The following NSD2 variants were observed in gnomAD, a reference collection of about 807,000 sequenced individuals.
NSD2 encodes the protein histone-lysine N-methyltransferase NSD2.
A neutral mutation model predicts 139.0 loss-of-function variants in NSD2; 12 were observed. The observed-to-expected ratio is 0.09, with a 90% CI of 0.06 to 0.14. The LOEUF (loss-of-function observed/expected upper bound fraction) is 0.14, where lower values mean the gene tolerates loss of function less well. Among genes scored for constraint, NSD2 ranks in the 10% least tolerant of loss-of-function variants. The pLI is 1.00. For missense variants in NSD2, 1,155 were observed against 1,745.0 expected (o/e 0.66, Z 6.02); for synonymous variants, 669 against 648.7 (o/e 1.03, Z -0.48).
intron 9 of NSD2, chr4:1,941,965 C>T (rs1723146684): frequency 1.8e-6 from 2 of 1,087,958 alleles, no homozygotes; most frequent in South Asian, 4.0e-5. Flanking sequence ...GTTAGGTGAC[C>T]ATGAGAATTG....
chr4:1,872,637 C>CGAGAGAGA lies in NSD2; in HGVS notation c.-30+1096_-30+1097insAGAGAGAG, dbSNP rs1375337847. On this transcript the variant is annotated intron_variant, in intron 1 of 21. Coordinates refer to ENST00000508803, the MANE Select transcript of NSD2 (RefSeq NM_001042424.3). ...GAGAGAGAGAGAGAGAGAGAGAGAG[C>CGAGAGAGA]GCGCAGACCCTGTGAAGACAAGACT... Among the ~76,000 whole-genome samples, 28 of 81,848 alleles carry CGAGAGAGA rather than the reference C, an allele frequency of 3.4e-4. No individual in the cohort carries two copies. The South Asian group carries it at 5.3e-3, about 16-fold the overall frequency. The allele number at this position is 81,848 out of a possible 152,430, so 53.7% of individuals were successfully genotyped here. A position where few individuals can be genotyped will look rare whatever the true frequency, so the allele number is the denominator to read the frequency against.
chr4:1,891,797 C>T (rs1305223487), intron 1 of NSD2, among the ~76,000 whole-genome samples: 1 of 147,824 alleles, frequency 6.8e-6, no homozygotes, highest in African/African-American at 2.5e-5. Context: ...GCGGAGCTTG[C>T]AGTGAGCCGA....
intron 1 of NSD2, among the ~76,000 whole-genome samples, chr4:1,890,829 C>T (rs1343801295): frequency 6.6e-6 from 1 of 151,906 alleles, no homozygotes; most frequent in Non-Finnish European, 1.5e-5. Context: ...AACTCCTGAC[C>T]TCAGGTGATC....
chr4:1,919,603 A>G (rs1010938748), intron 5 of NSD2, among the ~76,000 whole-genome samples: 2 of 152,048 alleles, frequency 1.3e-5, no homozygotes, highest in Non-Finnish European at 2.9e-5. Flanking sequence ...TTTTCCATTC[A>G]GTAGTCTAAA....
intron 5 of NSD2, among the ~76,000 whole-genome samples, chr4:1,927,883 G>A (rs182080307): frequency 2.0e-5 from 3 of 151,714 alleles, no homozygotes; most frequent in Admixed American, 1.3e-4. Context: ...TGTTTTTTTG[G>A]TATGTTTTAA....
At chr4:1,952,804 C>T (rs1724415495) in intron 11 of NSD2, 1 of 1,168,752 alleles carries the variant, frequency 8.6e-7, no homozygotes, top group South Asian at 2.9e-5. Context: ...GACACCTGCA[C>T]AGCCGTGGCC....
At chr4:1,933,458 C>T (rs1307743173) in intron 6 of NSD2, among the ~76,000 whole-genome samples, 9 of 152,312 alleles carry the variant, frequency 5.9e-5, no homozygotes, top group South Asian at 2.1e-4. Flanking sequence ...GGCGCGATCT[C>T]GGCTCACTGC....
Position 1,944,643 on chromosome 4 carries a change from G to T in NSD2, c.1881+4865G>T, listed in dbSNP as rs1006925513. 13 of 1,062,982 alleles carry T rather than the reference G, an allele frequency of 1.2e-5. No individual in the cohort carries two copies. In the African/African-American group the frequency reaches 2.1e-4, roughly 17 times the overall value. The allele number at this position is 1,062,982 out of a possible 1,614,324, so 65.8% of individuals were successfully genotyped here. On this transcript the variant is annotated intron_variant, in intron 9 of 21. Transcript: ENST00000508803. ...GTTCTAAAAACGTAAGTACTCCATT[G>T]TAATAGGGTGGCATCTTCAGGTAGT...
chr4:1,901,361 G>A, intron 2 of NSD2, 110 bp downstream of exon 2: 1 of 999,136 alleles, frequency 1.0e-6, no homozygotes, highest in Non-Finnish European at 1.5e-6. Flanking sequence ...GTGAGGACAG[G>A]CCTGGTACTT....
At chr4:1,951,445 CACACACACACACACACACACA>C (rs1560745573) in intron 10 of NSD2, among the ~76,000 whole-genome samples, 5,274 of 99,552 alleles carry the variant, frequency 0.053, 762 homozygotes, top group Non-Finnish European at 0.065. Context: ...TCATGTAATA[CACACACACACACACACACACA>C]CACACACACA....
chr4:1,943,726 CAAA>C, intron 9 of NSD2: 1 of 1,048,010 alleles, frequency 9.5e-7, no homozygotes, highest in Non-Finnish European at 1.2e-6. Flanking sequence ...TTAAAATTCT[CAAA>C]AAAAAACCCC....
intron 8 of NSD2, 143 bp from the exon 9 acceptor site, chr4:1,939,511 C>G: frequency 2.3e-6 from 2 of 865,368 alleles, no homozygotes; most frequent in Non-Finnish European, 3.5e-6. Flanking sequence ...CAGATTTTTC[C>G]ATGATAGAAA....
chr4:1,898,426 A>ATGAAAT (rs1157237620), intron 1 of NSD2, among the ~76,000 whole-genome samples: 1 of 152,134 alleles, frequency 6.6e-6, no homozygotes, highest in Non-Finnish European at 1.5e-5. Flanking sequence ...GCACTTTGGG[A>ATGAAAT]GGCCAAGGCG....
chr4:1,947,533 GT>G, intron 9 of NSD2: 1 of 1,054,296 alleles, frequency 9.5e-7, no homozygotes, highest in East Asian at 5.3e-5. Context: ...AATAAAAATT[GT>G]TATGAACTAT....
At chr4:1,937,127 C>A (rs1400179339) in intron 7 of NSD2, among the ~76,000 whole-genome samples, 1 of 152,056 alleles carries the variant, frequency 6.6e-6, no homozygotes, top group East Asian at 1.9e-4. Flanking sequence ...TCTTCACTCA[C>A]TGCAACCTCC....
intron 1 of NSD2, among the ~76,000 whole-genome samples, chr4:1,872,063 C>T: frequency 6.6e-6 from 1 of 151,606 alleles, no homozygotes; most frequent in East Asian, 1.9e-4. Flanking sequence ...GCGCCGGGGC[C>T]AGGGGTCGGG....
chr4:1,954,004 GA>G (rs1181564955), intron 12 of NSD2, among the ~76,000 whole-genome samples: 11 of 146,782 alleles, frequency 7.5e-5, no homozygotes, highest in Admixed American at 1.3e-4. Flanking sequence ...TTTTTTTGGA[GA>G]AAAAAAATCT....
chr4:1,979,038 C>T lies in NSD2; in HGVS notation c.*129C>T. ...GCCAGGACACAGACGTACAGGCCTC[C>T]TCGGGAGGGAGCGCCTCCCCACCAC... On this transcript the variant is annotated 3_prime_UTR_variant, in exon 22 of 22. Transcript: ENST00000508803. The T allele has an allele frequency of 1.6e-6, 2 of 1,241,190 alleles. No homozygotes were observed. Among genetic ancestry groups the T allele is most frequent in the East Asian group, 2.7e-5 (1 of 37,446 alleles). The allele number at this position is 1,241,190 out of a possible 1,614,324, so 76.9% of individuals were successfully genotyped here.
At chr4:1,975,440 T>C (rs1273645214) in intron 20 of NSD2, 40 bp downstream of exon 20, 1 of 1,591,586 alleles carries the variant, frequency 6.3e-7, no homozygotes, top group Non-Finnish European at 8.6e-7. Flanking sequence ...GGCTCTGTGT[T>C]GGCATTTTGC....
Sources: allele counts gnomAD v4.1 joint callset (sites outside exome capture counted in the v4.1 genomes callset), GRCh38; gene constraint gnomAD v4.1.1; transcripts MANE v1.5; gene names NCBI Gene and HGNC (gene_info 2026-07-23, HGNC 2026-07-21).